The following RAB18 variants were observed in gnomAD, a reference collection of about 807,000 sequenced individuals.
The protein encoded by RAB18 is RAB18, member RAS oncogene family, also known as ras-related protein Rab-18.
Under a neutral mutation model 28.5 loss-of-function variants are expected in RAB18, and 10 were observed. The ratio of observed to expected loss-of-function variants is 0.35; its 90% CI spans 0.22 to 0.60. The LOEUF is 0.60. Among genes scored for constraint, RAB18 ranks in the 20% least tolerant of loss-of-function variants. The pLI, the probability that RAB18 is intolerant of heterozygous loss-of-function variation, is 0.78. For synonymous variants in RAB18, 93 were observed against 86.9 expected (o/e 1.07, Z -0.39); for missense variants, 188 against 244.2 (o/e 0.77, Z 1.53).
At chr10:27,537,811 A>T in intron 6 of RAB18, 65 bp from the exon 7 acceptor site, 1 of 1,439,270 alleles carries the variant, frequency 6.9e-7, no homozygotes, top group Non-Finnish European at 9.7e-7. Flanking sequence ...ATAGTTTCCC[A>T]GAAAAACATG....
At chr10:27,532,436 T>C (rs1834806499) in intron 3 of RAB18, 71 bp from the exon 4 acceptor site, 1 of 1,166,222 alleles carries the variant, frequency 8.6e-7, no homozygotes, top group South Asian at 1.3e-5. Flanking sequence ...TGTTTGACTT[T>C]CTACTCTTAA....
intron 6 of RAB18, among the ~76,000 whole-genome samples, chr10:27,536,038 C>T (rs1418175716): frequency 2.0e-4 from 30 of 150,546 alleles, no homozygotes; most frequent in African/African-American, 6.3e-4. Flanking sequence ...AGCGAGATCA[C>T]GCCACTGCAC....
intron 3 of RAB18, among the ~76,000 whole-genome samples, chr10:27,528,564 C>T (rs947505507): frequency 1.4e-4 from 21 of 152,106 alleles, no homozygotes; most frequent in Admixed American, 3.3e-4. Flanking sequence ...CCTACCACCT[C>T]ACCCCCACTC....
intron 2 of RAB18, among the ~76,000 whole-genome samples, chr10:27,523,491 T>C (rs988148679): frequency 1.3e-5 from 2 of 152,066 alleles, no homozygotes; most frequent in African/African-American, 4.8e-5. Flanking sequence ...TTCTTTCTGC[T>C]TCCTTTTGGG....
chr10:27,518,853 G>A (rs567126392), intron 2 of RAB18, among the ~76,000 whole-genome samples: 2 of 148,994 alleles, frequency 1.3e-5, no homozygotes, highest in South Asian at 4.2e-4. Flanking sequence ...AGGTTGCAGT[G>A]ATTTTCCCCT....
intron 1 of RAB18, among the ~76,000 whole-genome samples, chr10:27,506,849 C>G (rs1837851553): frequency 6.6e-6 from 1 of 152,048 alleles, no homozygotes; most frequent in South Asian, 2.1e-4. Context: ...TTACCGTGGG[C>G]CTAATCTGTT....
intron 6 of RAB18, 150 bp from the exon 7 acceptor site, chr10:27,537,726 T>C (rs530750433): frequency 1.6e-6 from 1 of 630,372 alleles, no homozygotes; most frequent in East Asian, 2.8e-5. Context: ...ATTTGGAAAT[T>C]CACTAGTTAT....
intron 3 of RAB18, chr10:27,531,602 C>A: frequency 9.9e-7 from 1 of 1,009,726 alleles, no homozygotes; most frequent in Non-Finnish European, 1.5e-6. Flanking sequence ...CTGAAGTGGG[C>A]CATGTGGCAA....
In RAB18 at chr10:27,504,448, G is replaced by A; in HGVS notation, c.68+11G>A. 1.9e-6 allele frequency: 3 copies of A among 1,560,234 alleles called. No individual in the cohort carries two copies. The highest frequency in any genetic ancestry group is 2.6e-6 in the Non-Finnish European group (3 of 1,151,316). On this transcript the variant is annotated intron_variant, in intron 1 of 6. Coordinates refer to ENST00000356940, the MANE Select transcript of RAB18 (RefSeq NM_021252.5). Reference sequence around the variant, plus strand: ...GGTGGGCAAGTCCAGGTGAGGCGGAGGTGCGGGTCGTGACGAGGGTGGCTG... The same window carrying A: ...GGTGGGCAAGTCCAGGTGAGGCGGAAGTGCGGGTCGTGACGAGGGTGGCTG...
rs1472493637 is a variant in RAB18, at chr10:27,539,055, T to C, written c.*1004T>C. 3 of 428,902 alleles carry C rather than the reference T, an allele frequency of 7.0e-6. No individual in the cohort carries two copies. In the Admixed American group the frequency reaches 7.8e-5, roughly 11 times the overall value. 26.6% of individuals were successfully genotyped at this position (428,902 alleles called of 1,614,324 possible). ...GGCATATTGCTTCCAGATTCTGATG[T>C]GTGAGGGAAAATACTGTCACAATGA... is the stretch of plus-strand genomic sequence containing the variant. On this transcript the variant is annotated 3_prime_UTR_variant, in exon 7 of 7. Coordinates refer to ENST00000356940, the MANE Select transcript of RAB18 (RefSeq NM_021252.5).
intron 2 of RAB18, among the ~76,000 whole-genome samples, chr10:27,513,032 ATTTT>A (rs1554899531): frequency 1.4e-5 from 2 of 142,566 alleles, no homozygotes; most frequent in South Asian, 2.3e-4. Context: ...ATATATATAT[ATTTT>A]TTTTTTTTTT....
rs762208755 is a variant in RAB18, at chr10:27,539,050, T to A, written c.*999T>A. 1 of 430,416 alleles carries A rather than the reference T, an allele frequency of 2.3e-6. No individual in the cohort carries two copies. The highest frequency in any genetic ancestry group is 1.7e-5 in the South Asian group (1 of 60,484). The allele number at this position is 430,416 out of a possible 1,614,324, so 26.7% of individuals were successfully genotyped here. A position where few individuals can be genotyped will look rare whatever the true frequency, so the allele number is the denominator to read the frequency against. On this transcript the variant is annotated 3_prime_UTR_variant, in exon 7 of 7. Transcript: ENST00000356940. The stretch of plus-strand genomic sequence containing the variant: ...AAAAAGGCATATTGCTTCCAGATTC[T>A]GATGTGTGAGGGAAAATACTGTCAC...
intron 4 of RAB18, among the ~76,000 whole-genome samples, chr10:27,533,128 C>T (rs1475085241): frequency 6.6e-6 from 1 of 151,910 alleles, no homozygotes; most frequent in Non-Finnish European, 1.5e-5. Flanking sequence ...GTAGAATTCT[C>T]TTTTTTTAAA....
At chr10:27,518,756 A>G (rs1258615287) in intron 2 of RAB18, among the ~76,000 whole-genome samples, 1 of 152,016 alleles carries the variant, frequency 6.6e-6, no homozygotes, top group African/African-American at 2.4e-5. Flanking sequence ...TTCTAACAGC[A>G]TATGTTTTTT....
intron 3 of RAB18, among the ~76,000 whole-genome samples, chr10:27,530,566 G>A (rs11015848): frequency 0.037 from 5,554 of 151,810 alleles, 313 homozygotes; most frequent in African/African-American, 0.12. Context: ...CATGTAAGCA[G>A]ATAGCTAGGA....
rs999984614 is a variant in RAB18, at chr10:27,537,771, A to C, written c.446-105A>C. 19 of 959,804 alleles carry C rather than the reference A, an allele frequency of 2.0e-5. No homozygotes were observed. The Admixed American group carries it at 4.6e-4, about 23-fold the overall frequency. 59.5% of individuals were successfully genotyped at this position (959,804 alleles called of 1,614,324 possible). On this transcript the variant is annotated intron_variant, in intron 6 of 6. Coordinates refer to ENST00000356940, the MANE Select transcript of RAB18 (RefSeq NM_021252.5). The stretch of plus-strand genomic sequence containing the variant: ...GGGAAAAATTGCTGATTTGGATCTT[A>C]ATATATTGTAGGCTGATATTTATGC...
intron 2 of RAB18, among the ~76,000 whole-genome samples, chr10:27,522,108 A>G (rs183495079): frequency 7.9e-5 from 12 of 152,308 alleles, no homozygotes; most frequent in Non-Finnish European, 1.5e-4. Context: ...CAGGCAATAA[A>G]AATAATCAGT....
At chr10:27,520,128 G>A (rs935978936) in intron 2 of RAB18, among the ~76,000 whole-genome samples, 8 of 152,040 alleles carry the variant, frequency 5.3e-5, no homozygotes, top group Non-Finnish European at 7.4e-5. Flanking sequence ...TTGCATTCTG[G>A]GAATAAACTT....
chr10:27,530,202 A>G (rs962456839), intron 3 of RAB18, among the ~76,000 whole-genome samples: 25 of 152,014 alleles, frequency 1.6e-4, no homozygotes, highest in African/African-American at 5.8e-4. Flanking sequence ...TCCTGTTATC[A>G]AAAAGTCTTG....
Sources: gnomAD v4.1 joint callset for allele counts (sites outside exome capture counted in the v4.1 genomes callset) on GRCh38, gnomAD v4.1.1 for gene constraint, MANE v1.5 for transcripts, NCBI Gene and HGNC (gene_info 2026-07-23, HGNC 2026-07-21) for gene names.